Variants in PLA2R1 observed in about 807,000 individuals in gnomAD.
PLA2R1 encodes the protein phospholipase A2 receptor 1.
In PLA2R1, 158 loss-of-function variants were observed where a neutral mutation model predicts 195.9. The observed-to-expected ratio is 0.81, with a 90% CI of 0.71 to 0.92. The LOEUF (loss-of-function observed/expected upper bound fraction) is 0.92. PLA2R1 is among the 40% of genes least tolerant of loss of function. The pLI is 0.00. For missense variants in PLA2R1, 1,626 were observed against 1,764.6 expected (o/e 0.92, Z 1.41); for synonymous variants, 586 against 598.2 (o/e 0.98, Z 0.30).
intron 17 of PLA2R1, among the ~76,000 whole-genome samples, 178 bp from the exon 18 acceptor site, chr2:159,970,390 TCCC>T (rs1359269826): frequency 6.6e-6 from 1 of 151,970 alleles, no homozygotes; most frequent in Non-Finnish European, 1.5e-5. Context: ...CCTAAAATAT[TCCC>T]CCCATTACGA....
intron 1 of PLA2R1, among the ~76,000 whole-genome samples, chr2:160,053,436 G>C (rs976563875): frequency 6.6e-6 from 1 of 151,914 alleles, no homozygotes; most frequent in African/African-American, 2.4e-5. Context: ...AGGGTGCAAT[G>C]AAAATACGTG....
chr2:160,020,280 T>A lies in PLA2R1; in HGVS notation c.1295-17A>T, dbSNP rs1376156858. 1.3e-6 allele frequency: 2 copies of A among 1,587,310 alleles called. No individual in the cohort carries two copies. Among genetic ancestry groups the A allele is most frequent in the Non-Finnish European group, 1.7e-6 (2 of 1,161,010 alleles). ...ATGCATTTTCTGTAAGAGATAAATG[T>A]AAATTACTTATGGGATCCTATTATT... On this transcript the variant is annotated splice_polypyrimidine_tract_variant and intron_variant, in intron 7 of 29. Coordinates refer to ENST00000283243, the MANE Select transcript of PLA2R1 (RefSeq NM_007366.5).
chr2:159,967,504 G>C (rs1374394389), intron 20 of PLA2R1, 35 bp downstream of exon 20: 5 of 1,592,940 alleles, frequency 3.1e-6, no homozygotes, highest in Non-Finnish European at 4.3e-6. Flanking sequence ...GTCTACAAAA[G>C]AGAAACAAAG....
At position 159,945,011 on chromosome 2, in the gene PLA2R1, C is replaced by T; in HGVS notation, c.4039G>A (p.Asp1347Asn). 1 of 1,613,622 alleles carries T rather than the reference C, an allele frequency of 6.2e-7. No individual in the cohort carries two copies. Among genetic ancestry groups the T allele is most frequent in the Non-Finnish European group, 8.5e-7 (1 of 1,179,708 alleles). The stretch of plus-strand genomic sequence containing the variant: ...ACACAATGATGGGGCTTGAAGTAGT[C>T]TGTGTCTGGCTTCCGAATGCCCCAG... ...SNWGIRKPDT[D>N]YFKPHHCVAL... The change falls in exon 28 of 30, where the codon GAC becomes AAC. Residue 1347 changes from aspartate (D) to asparagine (N), a missense_variant. Transcript: ENST00000283243.
At chr2:159,984,868 G>C (rs1005981687) in intron 12 of PLA2R1, among the ~76,000 whole-genome samples, 6 of 152,156 alleles carry the variant, frequency 3.9e-5, no homozygotes, top group African/African-American at 1.2e-4. Context: ...ACACCCTGTG[G>C]CCAGCCCTCA....
At chr2:160,012,876 C>T (rs529999425) in intron 10 of PLA2R1, among the ~76,000 whole-genome samples, 5 of 151,778 alleles carry the variant, frequency 3.3e-5, no homozygotes, top group Non-Finnish European at 7.4e-5. Flanking sequence ...TGCACCACTG[C>T]ACTCCAGCCT....
chr2:159,982,237 T>C (rs1206830137), intron 13 of PLA2R1, among the ~76,000 whole-genome samples: 1 of 152,224 alleles, frequency 6.6e-6, no homozygotes, highest in African/African-American at 2.4e-5. Context: ...ACCTATCCCT[T>C]GGATTTGCGG....
At chr2:159,930,060 T>C (rs915821544), downstream of PLA2R1, among the ~76,000 whole-genome samples, 2 of 152,068 alleles carry the variant, frequency 1.3e-5, no homozygotes, top group Non-Finnish European at 2.9e-5. Flanking sequence ...AAGAATGATA[T>C]GATGGACTTT....
At chr2:159,964,577 A>G (rs1688661442) in intron 20 of PLA2R1, among the ~76,000 whole-genome samples, 1 of 152,192 alleles carries the variant, frequency 6.6e-6, no homozygotes, top group South Asian at 2.1e-4. Flanking sequence ...GAAAGTATCA[A>G]TGATTAAAAA....
rs765277713 is a variant in PLA2R1, at chr2:160,062,316, CG to C, written c.87del (p.Glu30SerfsTer30). 2 of 1,518,618 alleles carry C rather than the reference CG, an allele frequency of 1.3e-6. No homozygotes were observed. The highest frequency in any genetic ancestry group is 2.5e-5 in the South Asian group (2 of 81,110). 94.1% of individuals were successfully genotyped at this position (1,518,618 alleles called of 1,614,324 possible). On this transcript the variant is annotated frameshift_variant, in exon 1 of 30. Coordinates refer to ENST00000283243, the MANE Select transcript of PLA2R1 (RefSeq NM_007366.5). LOFTEE classifies it high-confidence loss of function. ...TCACCCTGCCACTCCAGGAGCCGCT[CG>C]GGGGTAAGCGCCGCCGCCACACCCT... ...CAEGVAAALT[P>X]ERLLEWQDKG... is the part of the protein sequence containing the mutation.
At chr2:159,983,150 C>G (rs1690080358) in intron 13 of PLA2R1, among the ~76,000 whole-genome samples, 1 of 152,112 alleles carries the variant, frequency 6.6e-6, no homozygotes, top group Admixed American at 6.5e-5. Context: ...TGAGGGGAGG[C>G]AGATTTCTGG....
Position 160,013,377 on chromosome 2 carries a change from T to C in PLA2R1, c.1552-2A>G, listed in dbSNP as rs1037639164. On this transcript the variant is annotated splice_acceptor_variant, in intron 9 of 29. Transcript: ENST00000283243. LOFTEE classifies it high-confidence loss of function. ...GAATCCACCATGTCTCTCCCATCCC[T>C]TAAAAAGAATAAAAGGGAAATTAAG... The C allele has an allele frequency of 1.3e-6, 2 of 1,548,982 alleles. No individual in the cohort carries two copies. Among genetic ancestry groups the C allele is most frequent in the Non-Finnish European group, 1.8e-6 (2 of 1,123,158 alleles).
intron 1 of PLA2R1, among the ~76,000 whole-genome samples, chr2:160,057,183 C>G (rs1029127404): frequency 6.6e-6 from 1 of 152,130 alleles, no homozygotes; most frequent in African/African-American, 2.4e-5. Context: ...GAAAGTCCTA[C>G]TAGTCAAAGC....
intron 11 of PLA2R1, among the ~76,000 whole-genome samples, chr2:159,994,545 GTAT>G (rs528742966): frequency 1.4e-3 from 214 of 152,138 alleles, no homozygotes; most frequent in Non-Finnish European, 2.5e-3. Context: ...GGTGATAATT[GTAT>G]TATTATGTCT....
At chr2:160,046,726 G>A (rs2105629892) in intron 1 of PLA2R1, among the ~76,000 whole-genome samples, 1 of 152,222 alleles carries the variant, frequency 6.6e-6, no homozygotes, top group East Asian at 1.9e-4. Flanking sequence ...CAAAAGAGAG[G>A]GGGTGGGGTG....
chr2:159,985,553 A>T (rs900348101), intron 12 of PLA2R1, among the ~76,000 whole-genome samples: 3 of 152,120 alleles, frequency 2.0e-5, no homozygotes, highest in Non-Finnish European at 2.9e-5. Context: ...CTTCACTTAT[A>T]TATACACACA....
chr2:160,000,844 CTT>C (rs1462006879), intron 11 of PLA2R1, among the ~76,000 whole-genome samples: 1 of 152,038 alleles, frequency 6.6e-6, no homozygotes, highest in Admixed American at 6.6e-5. Context: ...TAATTCATGA[CTT>C]TATTTAAAAT....
Position 159,932,173 on chromosome 2 carries a change from T to C in PLA2R1, c.*9605A>G, listed in dbSNP as rs911815438. The C allele has an allele frequency of 3.3e-5, 5 of 152,296 alleles. No homozygotes were observed. The highest frequency in any genetic ancestry group is 2.6e-4 in the Admixed American group (4 of 15,290). The allele number at this position is 152,296 out of a possible 1,614,324, so 9.4% of individuals were successfully genotyped here. A position where few individuals can be genotyped will look rare whatever the true frequency, so the allele number is the denominator to read the frequency against. On this transcript the variant is annotated 3_prime_UTR_variant, in exon 30 of 30. Transcript: ENST00000283243. ...TGCAGTAGCAATCGCAGGGAATTTC[T>C]ACCTTGAGCACCAGTTTCACCAAGC...
intron 2 of PLA2R1, among the ~76,000 whole-genome samples, chr2:160,043,213 T>C (rs1033381385): frequency 6.6e-6 from 1 of 151,896 alleles, no homozygotes; most frequent in Non-Finnish European, 1.5e-5. Context: ...AATGGGAAAG[T>C]GACAGGATCA....
Sources: gnomAD v4.1 joint callset for allele counts (sites outside exome capture counted in the v4.1 genomes callset) on GRCh38, gnomAD v4.1.1 for gene constraint, MANE v1.5 for transcripts, NCBI Gene and HGNC (gene_info 2026-07-23, HGNC 2026-07-21) for gene names.